DAGLB: variants seen among roughly 807,000 people sequenced by gnomAD.
DAGLB encodes the protein diacylglycerol lipase-beta.
Under a neutral mutation model 72.1 loss-of-function variants are expected in DAGLB, and 66 were observed. The ratio of observed to expected loss-of-function variants is 0.92; its 90% CI spans 0.75 to 1.12. The LOEUF is 1.12. Among genes scored for constraint, DAGLB ranks in the 50% most tolerant of loss-of-function variants. The pLI is 0.00. For missense variants in DAGLB, 1,065 were observed against 884.9 expected (o/e 1.20, Z -2.58); for synonymous variants, 414 against 359.5 (o/e 1.15, Z -1.71).
chr7:6,410,092 C>T (rs538724319), intron 14 of DAGLB, 38 bp downstream of exon 14: 4 of 1,581,874 alleles, frequency 2.5e-6, no homozygotes, highest in Admixed American at 3.5e-5. Flanking sequence ...CCCCGCGCTG[C>T]TCCTGCCTGC....
chr7:6,409,835 G>C lies in DAGLB; in HGVS notation c.*2C>G, dbSNP rs1387846245. On this transcript the variant is annotated 3_prime_UTR_variant, in exon 15 of 15. Coordinates refer to ENST00000297056, the MANE Select transcript of DAGLB (RefSeq NM_139179.4). ...TCCTGGGACAGTTTCCAGTGGCCCTGGTCAGGCCACGTCCACACTGGAGAC... is the reference window on the plus strand; with the variant it reads ...TCCTGGGACAGTTTCCAGTGGCCCTCGTCAGGCCACGTCCACACTGGAGAC... 3 of 1,613,494 alleles carry C rather than the reference G, an allele frequency of 1.9e-6. No individual in the cohort carries two copies. Among genetic ancestry groups the C allele is most frequent in the Non-Finnish European group, 2.5e-6 (3 of 1,179,798 alleles).
chr7:6,425,102 C>T (rs1481298745), intron 7 of DAGLB, among the ~76,000 whole-genome samples: 2 of 152,220 alleles, frequency 1.3e-5, no homozygotes, highest in African/African-American at 4.8e-5. Flanking sequence ...TGAACTGGCC[C>T]AGGGTGCGGC....
chr7:6,440,378 T>TC (rs1268291846), intron 2 of DAGLB, among the ~76,000 whole-genome samples: 1 of 132,074 alleles, frequency 7.6e-6, no homozygotes, highest in African/African-American at 3.3e-5. Context: ...AAAGCGAAAC[T>TC]CCGTCTCCAA....
chr7:6,447,712 G>T (rs1390782113), intron 1 of DAGLB, 36 bp downstream of exon 1: 1 of 1,599,112 alleles, frequency 6.3e-7, no homozygotes, highest in Non-Finnish European at 8.5e-7. Context: ...CTCCCTCTCC[G>T]GTGGGCTCCA....
At chr7:6,432,388 T>A (rs1784512407) in intron 5 of DAGLB, among the ~76,000 whole-genome samples, 1 of 147,958 alleles carries the variant, frequency 6.8e-6, no homozygotes, top group South Asian at 2.1e-4. Flanking sequence ...CTGGGCACGG[T>A]GGCTCACGCC....
chr7:6,447,899 C>G lies in DAGLB; in HGVS notation c.-57G>C. 2 of 1,514,888 alleles carry G rather than the reference C, an allele frequency of 1.3e-6. No individual in the cohort carries two copies. The highest frequency in any genetic ancestry group is 1.8e-6 in the Non-Finnish European group (2 of 1,135,360). 93.8% of individuals were successfully genotyped at this position (1,514,888 alleles called of 1,614,324 possible). Reference sequence around the variant, plus strand: ...GACCCCGCGCGCCGTTCACCGAGAACAAACCAGCACCCTCCGGACGCCGCC... The same window carrying G: ...GACCCCGCGCGCCGTTCACCGAGAAGAAACCAGCACCCTCCGGACGCCGCC... On this transcript the variant is annotated 5_prime_UTR_variant, in exon 1 of 15. Coordinates refer to ENST00000297056, the MANE Select transcript of DAGLB (RefSeq NM_139179.4).
At chr7:6,438,010 A>G (rs1308987260) in intron 2 of DAGLB, among the ~76,000 whole-genome samples, 1 of 152,240 alleles carries the variant, frequency 6.6e-6, no homozygotes, top group Non-Finnish European at 1.5e-5. Flanking sequence ...ATTTTAAAAT[A>G]TTAGGCACTA....
chr7:6,444,703 A>G (rs1259235014), intron 2 of DAGLB, among the ~76,000 whole-genome samples: 1 of 152,222 alleles, frequency 6.6e-6, no homozygotes, highest in Admixed American at 6.6e-5. Context: ...AATGAGCAAT[A>G]AGCAAATGAA....
Position 6,446,100 on chromosome 7 carries a change from T to C in DAGLB, c.100A>G (p.Ile34Val), listed in dbSNP as rs1207272744. The C allele has an allele frequency of 6.4e-7, 1 of 1,566,568 alleles. No homozygotes were observed. Among genetic ancestry groups the C allele is most frequent in the Non-Finnish European group, 8.6e-7 (1 of 1,161,098 alleles). Residue 34 changes from isoleucine (I) to valine (V), a missense_variant, in exon 2 of 15, where the codon ATT becomes GTT. Transcript: ENST00000297056. ...FELVVRVLWW[I>V]GILTLYLMHR... ...ATGAGATACAACGTCAGAATGCCAA[T>C]CCACCTGGCAAAAAAAAAAAAGGGA...
At chr7:6,424,878 C>A (rs192028172) in intron 7 of DAGLB, 43 bp from the exon 8 acceptor site, 67 of 1,589,156 alleles carry the variant, frequency 4.2e-5, no homozygotes, top group Admixed American at 1.2e-4. Context: ...ACAGTGAACA[C>A]ACGCACCAGC....
chr7:6,435,139 G>A (rs894166779), intron 3 of DAGLB, 119 bp from the exon 4 acceptor site: 95 of 1,432,098 alleles, frequency 6.6e-5, no homozygotes, highest in South Asian at 1.6e-4. Flanking sequence ...TTCTGTTACC[G>A]AGGAAGATGC....
intron 8 of DAGLB, chr7:6,422,789 G>C (rs1040152232): frequency 1.3e-5 from 2 of 152,198 alleles, no homozygotes; most frequent in Non-Finnish European, 2.9e-5. Context: ...TCAGTACCTG[G>C]GAGACGGGAT....
In DAGLB at chr7:6,421,901, G is replaced by T. The variant is rs547395215; in HGVS notation, c.1141-97C>A. On this transcript the variant is annotated intron_variant, in intron 8 of 14. Transcript: ENST00000297056. ...TGCTCCTGACACTTCTGTGGAGGATGGCGGGGATGGCACCATCTCCTAGTT... is the reference window on the plus strand; with the variant it reads ...TGCTCCTGACACTTCTGTGGAGGATTGCGGGGATGGCACCATCTCCTAGTT... 3.7e-6 allele frequency: 5 copies of T among 1,338,526 alleles called. No homozygotes were observed. In the African/African-American group the frequency reaches 5.9e-5, roughly 16 times the overall value. 82.9% of individuals were successfully genotyped at this position (1,338,526 alleles called of 1,614,324 possible). A position where few individuals can be genotyped will look rare whatever the true frequency, so the allele number is the denominator to read the frequency against.
intron 13 of DAGLB, among the ~76,000 whole-genome samples, chr7:6,410,839 G>A (rs1485767505): frequency 6.6e-6 from 1 of 151,500 alleles, no homozygotes; most frequent in African/African-American, 2.4e-5. Flanking sequence ...TGAGTAGCTC[G>A]GCTTACAGGC....
chr7:6,425,364 C>T (rs1376203731), intron 7 of DAGLB, among the ~76,000 whole-genome samples: 8 of 152,146 alleles, frequency 5.3e-5, no homozygotes. Flanking sequence ...CTCCGCCTCC[C>T]GGATTCAAGT....
intron 8 of DAGLB, among the ~76,000 whole-genome samples, chr7:6,424,441 G>T (rs189994426): frequency 1.3e-5 from 2 of 152,266 alleles, no homozygotes; most frequent in Admixed American, 1.3e-4. Context: ...GGGCTCCCGG[G>T]TGTGGGGCCT....
At position 6,430,250 on chromosome 7, in the gene DAGLB, C is replaced by CATATATATAT. The variant is rs57374634; in HGVS notation, c.929+220_929+229dup. On this transcript the variant is annotated intron_variant, in intron 6 of 14. Transcript: ENST00000297056. ...GGTTCGGGGAAAAAAAATACATGTG[C>CATATATATAT]ATATATATATATATATATATATATA... Among the ~76,000 whole-genome samples the CATATATATAT allele has an allele frequency of 9.4e-3, 429 of 45,716 alleles. 8 individuals are homozygous for CATATATATAT. The highest frequency in any genetic ancestry group is 0.021 in the African/African-American group (202 of 9,630). 30.0% of individuals were successfully genotyped at this position (45,716 alleles called of 152,430 possible).
intron 6 of DAGLB, among the ~76,000 whole-genome samples, chr7:6,428,477 T>G (rs1312858620): frequency 2.0e-5 from 3 of 151,366 alleles, no homozygotes; most frequent in South Asian, 4.2e-4. Context: ...TTTTGTTTTG[T>G]TTTGGTTTCT....
chr7:6,431,263 G>A (rs546068132), intron 5 of DAGLB, among the ~76,000 whole-genome samples: 9 of 152,060 alleles, frequency 5.9e-5, no homozygotes, highest in South Asian at 4.2e-4. Flanking sequence ...CCGGAGCAGC[G>A]AAGATACATA....
Sources: gnomAD v4.1 joint callset for allele counts (sites outside exome capture counted in the v4.1 genomes callset) on GRCh38, gnomAD v4.1.1 for gene constraint, MANE v1.5 for transcripts, NCBI Gene and HGNC (gene_info 2026-07-23, HGNC 2026-07-21) for gene names.